PRKCB: variants seen among roughly 807,000 people sequenced by gnomAD.
The protein encoded by PRKCB is protein kinase C beta.
Under a neutral mutation model 81.5 loss-of-function variants are expected in PRKCB, and 13 were observed. That is an observed-to-expected ratio of 0.16 (90% confidence interval 0.10 to 0.25). The LOEUF is 0.25. Ranked by LOEUF, PRKCB falls within the 10% of genes least tolerant of loss-of-function variation. PRKCB has a pLI of 1.00. For synonymous variants in PRKCB, 335 were observed against 321.4 expected, an observed-to-expected ratio of 1.04 and a Z score of -0.45; for missense variants, 509 against 875.7, an observed-to-expected ratio of 0.58 and a Z score of 5.29.
chr16:23,875,830 C>A lies in PRKCB; in HGVS notation c.205+38424C>A, dbSNP rs114020631. ...TATATCATATATATATATGCATGAC[C>A]CATATTTAAAAGTAGGATATTTCAT... is the stretch of plus-strand genomic sequence containing the variant. On this transcript the variant is annotated intron_variant, in intron 2 of 16. Coordinates refer to ENST00000643927, the MANE Select transcript of PRKCB (RefSeq NM_002738.7). 7.6e-3 allele frequency among the ~76,000 whole-genome samples: 1,109 copies of A among 146,072 alleles called. 29 individuals are homozygous for A. Among genetic ancestry groups the A allele is most frequent in the African/African-American group, 0.026 (1,013 of 39,134 alleles).
chr16:24,027,454 G>C (rs7197833), intron 3 of PRKCB, among the ~76,000 whole-genome samples: 7,997 of 152,070 alleles, frequency 0.053, 276 homozygotes, highest in African/African-American at 0.077. Flanking sequence ...TTAGTTTTTT[G>C]GGGGGTGGAT....
intron 2 of PRKCB, among the ~76,000 whole-genome samples, chr16:23,840,370 A>G (rs1466306422): frequency 6.6e-6 from 1 of 152,178 alleles, no homozygotes; most frequent in African/African-American, 2.4e-5. Context: ...CTCATGGTCC[A>G]AAAAGGATGC....
chr16:23,930,567 TAA>T (rs35610012), intron 2 of PRKCB, among the ~76,000 whole-genome samples: 3 of 151,646 alleles, frequency 2.0e-5, no homozygotes, highest in Admixed American at 2.0e-4. Context: ...AGAACCTGTC[TAA>T]AAAAAAATAT....
intron 2 of PRKCB, among the ~76,000 whole-genome samples, chr16:23,875,580 A>ATATG (rs10664900): frequency 0.64 from 9,207 of 14,466 alleles, 3,990 homozygotes; most frequent in East Asian, 0.92. Flanking sequence ...TATCAAACAC[A>ATATG]TATGTATATC....
Position 24,190,375 on chromosome 16 carries a change from G to A in PRKCB, c.1723-715G>A, listed in dbSNP as rs1228019516. ...AAACTCCAGTTTTCTTGTTGTGGGAGGAGGGAAGTTTGAAGATATTGAAAC... is the reference window on the plus strand; with the variant it reads ...AAACTCCAGTTTTCTTGTTGTGGGAAGAGGGAAGTTTGAAGATATTGAAAC... On this transcript the variant is annotated intron_variant, in intron 15 of 16. Coordinates refer to ENST00000643927, the MANE Select transcript of PRKCB (RefSeq NM_002738.7). Among the ~76,000 whole-genome samples the A allele has an allele frequency of 2.0e-5, 3 of 152,200 alleles. No homozygotes were observed. In the East Asian group the frequency reaches 5.8e-4, roughly 29 times the overall value.
At chr16:23,990,458 GA>G (rs1017481590) in intron 3 of PRKCB, among the ~76,000 whole-genome samples, 1 of 144,250 alleles carries the variant, frequency 6.9e-6, no homozygotes, top group Non-Finnish European at 1.5e-5. Context: ...ACTCTGTCTC[GA>G]AAAAAAAGAA....
chr16:24,060,774 C>T (rs1208464778), intron 5 of PRKCB, among the ~76,000 whole-genome samples: 1 of 152,200 alleles, frequency 6.6e-6, no homozygotes, highest in African/African-American at 2.4e-5. Flanking sequence ...ACAGAGCTCC[C>T]TCATGGATCA....
intron 2 of PRKCB, among the ~76,000 whole-genome samples, chr16:23,865,299 T>TTTTG (rs1222027798): frequency 2.2e-5 from 2 of 90,522 alleles, no homozygotes; most frequent in African/African-American, 4.4e-5. Context: ...GTGTGTGGTT[T>TTTTG]TTTGTTTGTT....
chr16:24,128,247 C>G (rs916404848), intron 9 of PRKCB, among the ~76,000 whole-genome samples: 1 of 152,082 alleles, frequency 6.6e-6, no homozygotes, highest in African/African-American at 2.4e-5. Flanking sequence ...TGGTGGCAGG[C>G]GCCTGTATTC....
intron 10 of PRKCB, among the ~76,000 whole-genome samples, chr16:24,163,109 G>A (rs1967288245): frequency 1.3e-5 from 2 of 152,280 alleles, no homozygotes; most frequent in South Asian, 4.1e-4. Context: ...GGTTGGTTCA[G>A]CTTGGGTCAG....
chr16:23,953,236 C>T (rs925803234), intron 2 of PRKCB, among the ~76,000 whole-genome samples: 1 of 152,130 alleles, frequency 6.6e-6, no homozygotes, highest in Non-Finnish European at 1.5e-5. Context: ...TGTGATTTAC[C>T]CTAGAGAAAG....
intron 2 of PRKCB, among the ~76,000 whole-genome samples, chr16:23,902,005 A>AAGAGAAAACT (rs1331932227): frequency 1.3e-5 from 2 of 152,152 alleles, no homozygotes; most frequent in African/African-American, 4.8e-5. Flanking sequence ...CACTGAAAGA[A>AAGAGAAAACT]AGAGAAAACT....
intron 5 of PRKCB, among the ~76,000 whole-genome samples, chr16:24,071,694 G>T (rs558344563): frequency 1.3e-5 from 2 of 152,140 alleles, no homozygotes; most frequent in Admixed American, 1.3e-4. Flanking sequence ...TGTGGTCCTG[G>T]ACACTAGATC....
At chr16:24,064,681 C>T (rs890674344) in intron 5 of PRKCB, among the ~76,000 whole-genome samples, 1 of 151,846 alleles carries the variant, frequency 6.6e-6, no homozygotes, top group African/African-American at 2.4e-5. Context: ...ATTTAAGTCT[C>T]CTATTATGAT....
At position 24,217,615 on chromosome 16, in the gene PRKCB, T is replaced by C; in HGVS notation, c.*2799T>C. On this transcript the variant is annotated 3_prime_UTR_variant, in exon 17 of 17. Transcript: ENST00000643927. ...GGACAAAGTCCATAAAAGCAAGTCC[T>C]GTCTGGACCATGTGGTTATCTGAAG... 1.0e-6 allele frequency: 1 copy of C among 985,492 alleles called. No homozygotes were observed. Among genetic ancestry groups the C allele is most frequent in the Non-Finnish European group, 1.2e-6 (1 of 829,970 alleles). The allele number at this position is 985,492 out of a possible 1,614,324, so 61.0% of individuals were successfully genotyped here. A position where few individuals can be genotyped will look rare whatever the true frequency, so the allele number is the denominator to read the frequency against.
intron 2 of PRKCB, 85 bp downstream of exon 2, chr16:23,837,491 G>C (rs3729884): frequency 4.0e-6 from 6 of 1,515,538 alleles, no homozygotes; most frequent in Non-Finnish European, 5.4e-6. Flanking sequence ...GTTAGGCAGA[G>C]AGTGAAAGAA....
At chr16:24,031,148 G>C (rs1210367560) in intron 3 of PRKCB, among the ~76,000 whole-genome samples, 1 of 152,216 alleles carries the variant, frequency 6.6e-6, no homozygotes, top group Non-Finnish European at 1.5e-5. Flanking sequence ...ATCCAAGTCT[G>C]CCTTTTACCA....
Position 23,959,161 on chromosome 16 carries a change from A to C in PRKCB, c.206-29347A>C, listed in dbSNP as rs569609289. Among the ~76,000 whole-genome samples, 5 of 152,350 alleles carry C rather than the reference A, an allele frequency of 3.3e-5. No homozygotes were observed. In the South Asian group the frequency reaches 8.3e-4, roughly 25 times the overall value. ...TTACAAAATAAACAATCTCACTTAG[A>C]TACATCCCTTACCCCCTGTGGATTA... On this transcript the variant is annotated intron_variant, in intron 2 of 16. Transcript: ENST00000643927.
intron 13 of PRKCB, among the ~76,000 whole-genome samples, chr16:24,184,386 G>GGCTGTGA (rs1366382550): frequency 2.0e-5 from 3 of 151,970 alleles, no homozygotes; most frequent in South Asian, 4.2e-4. Context: ...AGGAGGCCAA[G>GGCTGTGA]GCTGTGAGCT....
Sources: allele counts gnomAD v4.1 joint callset (sites outside exome capture counted in the v4.1 genomes callset), GRCh38; gene constraint gnomAD v4.1.1; transcripts MANE v1.5; gene names NCBI Gene and HGNC (gene_info 2026-07-23, HGNC 2026-07-21).